Variants in ASIC2 observed in about 807,000 individuals in gnomAD.
The protein encoded by ASIC2 is acid sensing ion channel subunit 2, also known as acid-sensing ion channel 2.
A neutral mutation model predicts 57.3 loss-of-function variants in ASIC2; 25 were observed. The ratio of observed to expected loss-of-function variants is 0.44; its 90% confidence interval spans 0.32 to 0.61. The LOEUF (loss-of-function observed/expected upper bound fraction) is 0.61, where lower values mean the gene tolerates loss of function less well. ASIC2 is among the 20% of genes least tolerant of loss of function. The pLI, the probability that ASIC2 is intolerant of heterozygous loss-of-function variation, is 0.06. For missense variants in ASIC2, 641 were observed against 738.1 expected (o/e 0.87, Z 1.52); for synonymous variants, 319 against 307.5 (o/e 1.04, Z -0.39).
intron 1 of ASIC2, among the ~76,000 whole-genome samples, chr17:34,084,893 C>A (rs1910043501): frequency 6.6e-6 from 1 of 152,130 alleles, no homozygotes; most frequent in Non-Finnish European, 1.5e-5. Flanking sequence ...GATTTTGTAT[C>A]CTGAGACTTT....
chr17:33,295,380 G>T (rs1905683068), upstream of ASIC2, among the ~76,000 whole-genome samples: 1 of 152,200 alleles, frequency 6.6e-6, no homozygotes, highest in South Asian at 2.1e-4. Context: ...GCACATGTAT[G>T]CAGCACATTC....
intron 1 of ASIC2, among the ~76,000 whole-genome samples, chr17:33,701,358 A>G (rs752241481): frequency 3.9e-5 from 6 of 152,344 alleles, no homozygotes; most frequent in South Asian, 2.1e-4. Flanking sequence ...GCCTTGGATC[A>G]TATCATTTAC....
At chr17:33,799,398 C>CTTTTT (rs1351721724) in intron 1 of ASIC2, among the ~76,000 whole-genome samples, 1 of 49,764 alleles carries the variant, frequency 2.0e-5, no homozygotes, top group African/African-American at 5.8e-5. Flanking sequence ...TTCTTTCTTT[C>CTTTTT]TTTCTTTTCT....
At chr17:34,084,238 T>C (rs1910007996) in intron 1 of ASIC2, among the ~76,000 whole-genome samples, 1 of 151,970 alleles carries the variant, frequency 6.6e-6, no homozygotes, top group South Asian at 2.1e-4. Flanking sequence ...GCTTTCTACA[T>C]GTGGCTAGCC....
At chr17:33,881,535 C>T (rs1488810355) in intron 1 of ASIC2, among the ~76,000 whole-genome samples, 1 of 152,156 alleles carries the variant, frequency 6.6e-6, no homozygotes, top group Non-Finnish European at 1.5e-5. Flanking sequence ...AACAAAATAA[C>T]TAGGAATCCA....
chr17:34,130,782 G>C (rs1435247231), intron 1 of ASIC2, among the ~76,000 whole-genome samples: 1 of 152,234 alleles, frequency 6.6e-6, no homozygotes, highest in African/African-American at 2.4e-5. Context: ...CTGCCTAGAA[G>C]AGAGCAGATG....
At chr17:33,900,462 C>A (rs1915208397) in intron 1 of ASIC2, among the ~76,000 whole-genome samples, 1 of 152,070 alleles carries the variant, frequency 6.6e-6, no homozygotes, top group Non-Finnish European at 1.5e-5. Context: ...TGTACATACT[C>A]ATTAAAATAA....
chr17:33,372,096 T>C (rs535345774), intron 1 of ASIC2, among the ~76,000 whole-genome samples: 7 of 152,206 alleles, frequency 4.6e-5, no homozygotes, highest in Admixed American at 4.6e-4. Context: ...CTCCTGAAGC[T>C]GGAGCTGCAC....
At chr17:33,165,062 G>T (rs1466780522) in intron 1 of ASIC2, among the ~76,000 whole-genome samples, 8 of 152,224 alleles carry the variant, frequency 5.3e-5, no homozygotes, top group Admixed American at 5.2e-4. Context: ...GGACAACAGA[G>T]ACTAAGTAAA....
At chr17:33,747,462 A>G (rs992695133) in intron 1 of ASIC2, among the ~76,000 whole-genome samples, 11 of 152,022 alleles carry the variant, frequency 7.2e-5, no homozygotes, top group Non-Finnish European at 1.2e-4. Flanking sequence ...AGCTCAAGTG[A>G]TCTGCCTGCC....
At chr17:33,975,683 G>A (rs576824919) in intron 1 of ASIC2, among the ~76,000 whole-genome samples, 4 of 152,030 alleles carry the variant, frequency 2.6e-5, no homozygotes, top group African/African-American at 9.6e-5. Flanking sequence ...TCTCTGTTCT[G>A]GTCCCATCAA....
At chr17:33,469,622 C>T (rs760859031) in intron 1 of ASIC2, among the ~76,000 whole-genome samples, 2 of 152,094 alleles carry the variant, frequency 1.3e-5, no homozygotes, top group Admixed American at 6.5e-5. Context: ...GCTGTGGACT[C>T]GACTCTCACT....
chr17:34,035,480 T>C (rs999845683), intron 1 of ASIC2, among the ~76,000 whole-genome samples: 7 of 149,862 alleles, frequency 4.7e-5, no homozygotes, highest in African/African-American at 1.7e-4. Context: ...GGGCAAGGAC[T>C]TCATGTCTAA....
chr17:34,095,401 GATAA>G lies in ASIC2; in HGVS notation c.555+60573_555+60576del, dbSNP rs774658305. ...CTGGTGGCTACAATATGAAAGGGTT[GATAA>G]ATAAATTCTTTTTCTCCTTAATAGA... On this transcript the variant is annotated intron_variant, in intron 1 of 9. Coordinates refer to the ASIC2 transcript ENST00000359872. Among the ~76,000 whole-genome samples the G allele has an allele frequency of 7.9e-5, 12 of 151,994 alleles. No individual in the cohort carries two copies. In the East Asian group the frequency reaches 1.7e-3, roughly 22 times the overall value.
intron 1 of ASIC2, among the ~76,000 whole-genome samples, chr17:33,301,802 C>A (rs1463086263): frequency 1.3e-5 from 2 of 152,188 alleles, no homozygotes. Flanking sequence ...GAGCCATTGC[C>A]ATGCACTTTC....
chr17:33,829,448 T>C (rs193018681), intron 1 of ASIC2, among the ~76,000 whole-genome samples: 122 of 152,252 alleles, frequency 8.0e-4, no homozygotes, highest in Non-Finnish European at 1.5e-3. Flanking sequence ...TTGTGGATAG[T>C]CACCTGGGGG....
intron 1 of ASIC2, among the ~76,000 whole-genome samples, chr17:33,337,878 G>T (rs1907577502): frequency 6.6e-6 from 1 of 152,066 alleles, no homozygotes; most frequent in Admixed American, 6.5e-5. Context: ...GAAGGGCAAA[G>T]AAAGTGGAAG....
At chr17:33,085,494 G>A (rs1040902836) in intron 3 of ASIC2, among the ~76,000 whole-genome samples, 1 of 152,182 alleles carries the variant, frequency 6.6e-6, no homozygotes, top group African/African-American at 2.4e-5. Context: ...CATACAGCTG[G>A]GGCTAAATCC....
At chr17:34,155,923 G>A (rs1328236899) in intron 1 of ASIC2, 8 of 1,535,998 alleles carry the variant, frequency 5.2e-6, no homozygotes, top group Admixed American at 4.0e-5. Context: ...GGAGACCACC[G>A]GCGCACCACT....
Sources: gnomAD v4.1 joint callset for allele counts (sites outside exome capture counted in the v4.1 genomes callset) on GRCh38, gnomAD v4.1.1 for gene constraint, MANE v1.5 for transcripts, NCBI Gene and HGNC (gene_info 2026-07-23, HGNC 2026-07-21) for gene names.